CLEC4D: variants seen among roughly 807,000 people sequenced by gnomAD.
CLEC4D encodes the protein C-type lectin domain family 4 member D.
A neutral mutation model predicts 21.1 loss-of-function variants in CLEC4D; 21 were observed. That is an observed-to-expected ratio of 1.00 (90% CI 0.71 to 1.43). The LOEUF is 1.43. Ranked by LOEUF, CLEC4D falls within the 40% of genes most tolerant of loss-of-function variation. CLEC4D has a pLI of 0.00. For missense variants in CLEC4D, 289 were observed against 260.7 expected, an observed-to-expected ratio of 1.11 and a Z score of -0.75; for synonymous variants, 85 against 83.1, an observed-to-expected ratio of 1.02 and a Z score of -0.12.
intron 5 of CLEC4D, 87 bp from the exon 6 acceptor site, chr12:8,521,037 C>G: frequency 6.8e-7 from 1 of 1,469,362 alleles, no homozygotes; most frequent in Non-Finnish European, 9.1e-7. Flanking sequence ...TGAATTGTCT[C>G]CTAATATATC....
chr12:8,520,786 C>T (rs11046022), intron 5 of CLEC4D, among the ~76,000 whole-genome samples: 11,210 of 152,042 alleles, frequency 0.074, 823 homozygotes, highest in African/African-American at 0.19. Flanking sequence ...ATTTTAATAA[C>T]GTATTAATAA....
At chr12:8,531,257 C>G in the CLEC4D span, among the ~76,000 whole-genome samples, 1 of 152,152 alleles carries the variant, frequency 6.6e-6, no homozygotes, top group Non-Finnish European at 1.5e-5. Flanking sequence ...TCATGCGTCC[C>G]TCTCCCCCTC....
At chr12:8,527,326 T>C (rs766566015), downstream of CLEC4D, among the ~76,000 whole-genome samples, 26 of 152,318 alleles carry the variant, frequency 1.7e-4, no homozygotes, top group African/African-American at 6.0e-4. Context: ...GCAGAGACTG[T>C]AGCCACCCCT....
Position 8,520,268 on chromosome 12 carries a change from C to G in CLEC4D, c.427C>G (p.Leu143Val). Residue 143 changes from leucine to valine, a missense_variant, in exon 5 of 6, where the codon CTT becomes GTT. Transcript: ENST00000299665. ...QFLDRRLSYF[L>V]GLRDENAKGQ... Reference sequence around the variant, plus strand: ...TCTGGATAGACGGCTTTCCTATTTCCTTGGACTTAGAGATGAGAATGCCAA... The same window carrying G: ...TCTGGATAGACGGCTTTCCTATTTCGTTGGACTTAGAGATGAGAATGCCAA... The G allele has an allele frequency of 6.2e-7, 1 of 1,613,900 alleles. No homozygotes were observed. Among genetic ancestry groups the G allele is most frequent in the Non-Finnish European group, 8.5e-7 (1 of 1,179,840 alleles).
intron 1 of CLEC4D, among the ~76,000 whole-genome samples, chr12:8,514,238 T>A (rs1434051450): frequency 6.6e-6 from 1 of 152,116 alleles, no homozygotes; most frequent in African/African-American, 2.4e-5. Context: ...CTTTATCTCA[T>A]CACCCTACCA....
intron 1 of CLEC4D, among the ~76,000 whole-genome samples, chr12:8,514,886 T>G (rs1284073581): frequency 1.3e-5 from 2 of 152,134 alleles, no homozygotes; most frequent in Non-Finnish European, 2.9e-5. Flanking sequence ...ATATTAATAT[T>G]ATGAGAAGAC....
the CLEC4D span, among the ~76,000 whole-genome samples, chr12:8,527,722 G>A: frequency 6.6e-6 from 1 of 152,202 alleles, no homozygotes; most frequent in African/African-American, 2.4e-5. Context: ...CCCTCCGCCC[G>A]CGCTCCCCCA....
At chr12:8,517,805 A>G (rs1394719576) in intron 2 of CLEC4D, among the ~76,000 whole-genome samples, 1 of 151,934 alleles carries the variant, frequency 6.6e-6, no homozygotes, top group Non-Finnish European at 1.5e-5. Flanking sequence ...AATTAGCCGG[A>G]CGTGGTGGCG....
downstream of CLEC4D, among the ~76,000 whole-genome samples, chr12:8,524,148 C>T (rs1405074822): frequency 6.6e-6 from 1 of 151,948 alleles, no homozygotes; most frequent in East Asian, 1.9e-4. Flanking sequence ...GGGATATTGG[C>T]CTGAAGTTTT....
chr12:8,516,654 G>A (rs1940385489), intron 2 of CLEC4D, among the ~76,000 whole-genome samples: 1 of 152,202 alleles, frequency 6.6e-6, no homozygotes, highest in Non-Finnish European at 1.5e-5. Context: ...TGCTTCTGGT[G>A]GAGTTTAAGC....
downstream of CLEC4D, among the ~76,000 whole-genome samples, chr12:8,526,395 T>C (rs1940505580): frequency 6.6e-6 from 1 of 152,184 alleles, no homozygotes; most frequent in Non-Finnish European, 1.5e-5. Context: ...CTTTTCATTC[T>C]TTTTTCTCTA....
rs201476517 is a variant in CLEC4D, at chr12:8,513,699, C to T, written c.-34C>T. On this transcript the variant is annotated 5_prime_UTR_variant, in exon 1 of 6. Coordinates refer to ENST00000299665, the MANE Select transcript of CLEC4D (RefSeq NM_080387.5). Reference sequence around the variant, plus strand: ...GAAAAAAAATAGAACAAATTCTTGCCGTCCTGACCATTGAACAAGAGACTA... The same window carrying T: ...GAAAAAAAATAGAACAAATTCTTGCTGTCCTGACCATTGAACAAGAGACTA... 643 of 964,872 alleles carry T rather than the reference C, an allele frequency of 6.7e-4. 6 individuals carry two copies. In the South Asian group the frequency reaches 8.0e-3, roughly 12 times the overall value. The allele number at this position is 964,872 out of a possible 1,614,324, so 59.8% of individuals were successfully genotyped here.
the CLEC4D span, among the ~76,000 whole-genome samples, chr12:8,530,177 A>G: frequency 6.6e-6 from 1 of 152,166 alleles, no homozygotes; most frequent in African/African-American, 2.4e-5. Context: ...AATGAAAGGA[A>G]TTTTCTGCAG....
chr12:8,514,301 A>G (rs1002903624), intron 1 of CLEC4D, among the ~76,000 whole-genome samples: 7 of 152,108 alleles, frequency 4.6e-5, no homozygotes, highest in Admixed American at 1.3e-4. Context: ...TTAGGTAACA[A>G]TATTTCTTAG....
downstream of CLEC4D, among the ~76,000 whole-genome samples, chr12:8,522,892 C>A (rs1359747303): frequency 3.3e-5 from 5 of 151,922 alleles, no homozygotes; most frequent in African/African-American, 7.3e-5. Flanking sequence ...AAGGAAAGAG[C>A]CCAGTTTCAG....
chr12:8,527,376 C>G, the CLEC4D span, among the ~76,000 whole-genome samples: 1 of 152,208 alleles, frequency 6.6e-6, no homozygotes, highest in East Asian at 1.9e-4. Context: ...CAAATTCTGT[C>G]CCCGAGCCTC....
At chr12:8,519,192 C>T (rs774080295) in intron 4 of CLEC4D, 32 bp downstream of exon 4, 2 of 1,599,136 alleles carry the variant, frequency 1.3e-6, no homozygotes, top group Non-Finnish European at 1.7e-6. Context: ...AGTTTCTCTG[C>T]TGCTTTGAAT....
downstream of CLEC4D, among the ~76,000 whole-genome samples, chr12:8,524,462 T>C (rs1191270802): frequency 7.2e-5 from 11 of 152,218 alleles, no homozygotes; most frequent in Non-Finnish European, 1.5e-4. Context: ...TATCCATTTC[T>C]TGTAGATTTT....
In CLEC4D at chr12:8,513,602, A is replaced by C; in HGVS notation, c.-131A>C. On this transcript the variant is annotated 5_prime_UTR_variant, in exon 1 of 6. Coordinates refer to ENST00000299665, the MANE Select transcript of CLEC4D (RefSeq NM_080387.5). Reference sequence around the variant, plus strand: ...CTGGTACCTTTCTAATCTCACTACAATATGTAACATTGGTGTTCGATCTCA... The same window carrying C: ...CTGGTACCTTTCTAATCTCACTACACTATGTAACATTGGTGTTCGATCTCA... The C allele has an allele frequency of 1.7e-6, 1 of 576,696 alleles. No individual in the cohort carries two copies. Among genetic ancestry groups the C allele is most frequent in the Non-Finnish European group, 3.2e-6 (1 of 314,810 alleles). The allele number at this position is 576,696 out of a possible 1,614,324, so 35.7% of individuals were successfully genotyped here. A position where few individuals can be genotyped will look rare whatever the true frequency, so the allele number is the denominator to read the frequency against.
Sources: allele counts gnomAD v4.1 joint callset (sites outside exome capture counted in the v4.1 genomes callset), GRCh38; gene constraint gnomAD v4.1.1; transcripts MANE v1.5; gene names NCBI Gene and HGNC (gene_info 2026-07-23, HGNC 2026-07-21).